Variants in SHISA9 observed in about 807,000 individuals in gnomAD.
SHISA9 encodes the protein shisa family member 9.
A neutral mutation model predicts 38.0 loss-of-function variants in SHISA9; 13 were observed. That is an observed-to-expected ratio of 0.34 (90% confidence interval 0.22 to 0.54). SHISA9 has a LOEUF of 0.54. Ranked by LOEUF, SHISA9 falls within the 20% of genes least tolerant of loss-of-function variation. The probability of loss-of-function intolerance (pLI) is 0.91; values close to 1 mark genes in which losing one functional copy is unlikely to be tolerated. For missense variants in SHISA9, 538 were observed against 575.8 expected, an observed-to-expected ratio of 0.93 and a Z score of 0.67; for synonymous variants, 275 against 242.0, an observed-to-expected ratio of 1.14 and a Z score of -1.27.
intron 2 of SHISA9, among the ~76,000 whole-genome samples, chr16:13,019,804 C>CTT (rs1196188712): frequency 1.4e-5 from 2 of 140,278 alleles, no homozygotes; most frequent in Non-Finnish European, 3.1e-5. Context: ...TTCTTTCTTT[C>CTT]TTTCTTTCTT....
rs556376469 is a variant in SHISA9 at position 13,202,671 on chromosome 16, T to G, written c.692-723T>G. 4.2e-4 allele frequency among the ~76,000 whole-genome samples: 64 copies of G among 152,322 alleles called. 2 individuals carry two copies. The highest frequency in any genetic ancestry group is 1.4e-3 in the African/African-American group (59 of 41,568). On this transcript the variant is annotated intron_variant, in intron 2 of 4. Coordinates refer to ENST00000558583, the MANE Select transcript of SHISA9 (RefSeq NM_001145204.3). ...TATTCCATCATATGTGTACATACTA[T>G]GTACATCATATGTATTATAATAATT...
At chr16:12,991,683 C>A (rs1453153127) in intron 2 of SHISA9, among the ~76,000 whole-genome samples, 2 of 152,116 alleles carry the variant, frequency 1.3e-5, no homozygotes, top group African/African-American at 4.8e-5. Context: ...GGAAGATGAG[C>A]TGAGTCAATC....
chr16:13,176,101 TG>T (rs2050729293), intron 2 of SHISA9, among the ~76,000 whole-genome samples: 1 of 151,872 alleles, frequency 6.6e-6, no homozygotes, highest in South Asian at 2.1e-4. Flanking sequence ...TTAATTTCCG[TG>T]TTTTTTTAAT....
At chr16:12,942,898 C>G (rs2071629844) in intron 2 of SHISA9, among the ~76,000 whole-genome samples, 1 of 152,230 alleles carries the variant, frequency 6.6e-6, no homozygotes, top group Non-Finnish European at 1.5e-5. Flanking sequence ...ACACGTAGGT[C>G]TCAACAGATG....
At chr16:13,437,594 C>G in the SHISA9 span, among the ~76,000 whole-genome samples, 25,187 of 152,092 alleles carry the variant, frequency 0.17, 2,278 homozygotes, top group East Asian at 0.25. Flanking sequence ...CCTCCCAAGC[C>G]ATAAACAACT....
At chr16:13,278,807 C>T in the SHISA9 span, among the ~76,000 whole-genome samples, 1 of 151,884 alleles carries the variant, frequency 6.6e-6, no homozygotes, top group Non-Finnish European at 1.5e-5. Flanking sequence ...TTTTTCTCTT[C>T]TTTTCTTGGT....
chr16:13,070,032 G>C (rs1355471465), intron 2 of SHISA9, among the ~76,000 whole-genome samples: 3 of 152,102 alleles, frequency 2.0e-5, no homozygotes, highest in Admixed American at 2.0e-4. Flanking sequence ...TGGACTAAGA[G>C]AAAGGGTGTC....
the SHISA9 span, among the ~76,000 whole-genome samples, chr16:13,369,972 T>C: frequency 6.6e-6 from 1 of 152,140 alleles, no homozygotes; most frequent in African/African-American, 2.4e-5. Flanking sequence ...TAGTATTCCA[T>C]GGTATAAATA....
At chr16:13,164,605 G>A (rs1248916075) in intron 2 of SHISA9, among the ~76,000 whole-genome samples, 4 of 152,042 alleles carry the variant, frequency 2.6e-5, no homozygotes, top group African/African-American at 9.7e-5. Context: ...ATTCCTTTGA[G>A]ATTTCCTAAT....
intron 2 of SHISA9, among the ~76,000 whole-genome samples, chr16:13,069,337 C>T (rs988280692): frequency 1.3e-5 from 2 of 150,308 alleles, no homozygotes; most frequent in Admixed American, 1.3e-4. Flanking sequence ...TGTACGCATG[C>T]ATATGTGTGT....
At chr16:13,378,245 A>G in the SHISA9 span, among the ~76,000 whole-genome samples, 1 of 152,326 alleles carries the variant, frequency 6.6e-6, no homozygotes, top group African/African-American at 2.4e-5. Flanking sequence ...TACCTCAGGT[A>G]TGACTTGTTC....
intron 2 of SHISA9, among the ~76,000 whole-genome samples, chr16:13,096,629 C>T (rs2073830766): frequency 6.6e-6 from 1 of 152,082 alleles, no homozygotes; most frequent in South Asian, 2.1e-4. Context: ...TATCCAAAAG[C>T]CTTTCACGGT....
At chr16:13,171,294 C>A (rs1432639279) in intron 2 of SHISA9, among the ~76,000 whole-genome samples, 1 of 152,178 alleles carries the variant, frequency 6.6e-6, no homozygotes, top group East Asian at 1.9e-4. Context: ...CACTGGGGAT[C>A]ACATTTCAAC....
chr16:13,314,221 AT>A, the SHISA9 span, among the ~76,000 whole-genome samples: 1 of 146,830 alleles, frequency 6.8e-6, no homozygotes. Flanking sequence ...TTATTTTTTT[AT>A]TTTTTTTTGA....
chr16:13,161,080 T>G (rs150639083), intron 2 of SHISA9, among the ~76,000 whole-genome samples: 24 of 152,204 alleles, frequency 1.6e-4, no homozygotes, highest in Admixed American at 5.2e-4. Context: ...CAAAGACTTA[T>G]GTATTTCAGT....
chr16:13,017,624 G>A (rs907226285), intron 2 of SHISA9, among the ~76,000 whole-genome samples: 4 of 152,158 alleles, frequency 2.6e-5, no homozygotes, highest in African/African-American at 9.7e-5. Flanking sequence ...TGTGCTGAAT[G>A]CTTTCCATGG....
chr16:12,907,253 A>G (rs75230780), intron 1 of SHISA9, among the ~76,000 whole-genome samples: 43,364 of 121,242 alleles, frequency 0.36, 7,467 homozygotes, highest in East Asian at 0.61. Flanking sequence ...TTCCCTTCCT[A>G]CCCTTCTTCC....
chr16:13,165,858 A>G (rs1368951657), intron 2 of SHISA9, among the ~76,000 whole-genome samples: 1 of 152,218 alleles, frequency 6.6e-6, no homozygotes, highest in Non-Finnish European at 1.5e-5. Flanking sequence ...AAATCATGTC[A>G]ACAGATCTCT....
the SHISA9 span, among the ~76,000 whole-genome samples, chr16:13,510,524 T>G: frequency 6.6e-6 from 1 of 152,222 alleles, no homozygotes; most frequent in South Asian, 2.1e-4. Flanking sequence ...AGTAAAATTG[T>G]AACTGCCAAA....
Sources: allele counts gnomAD v4.1 joint callset (sites outside exome capture counted in the v4.1 genomes callset), GRCh38; gene constraint gnomAD v4.1.1; transcripts MANE v1.5; gene names NCBI Gene and HGNC (gene_info 2026-07-23, HGNC 2026-07-21).